The following MTMR2 variants were observed in gnomAD, a reference collection of about 807,000 sequenced individuals.
MTMR2 encodes the protein myotubularin related protein 2.
In MTMR2, 55 loss-of-function variants were observed where a neutral mutation model predicts 86.9. The observed-to-expected ratio is 0.63, with a 90% CI of 0.51 to 0.79. The LOEUF (loss-of-function observed/expected upper bound fraction) is 0.79. Among genes scored for constraint, MTMR2 ranks in the 30% least tolerant of loss-of-function variants. The pLI is 0.00. For missense variants in MTMR2, 659 were observed against 772.3 expected, an observed-to-expected ratio of 0.85 and a Z score of 1.74; for synonymous variants, 241 against 266.8, an observed-to-expected ratio of 0.90 and a Z score of 0.94.
At chr11:95,913,965 C>T (rs1197741422) in intron 1 of MTMR2, among the ~76,000 whole-genome samples, 2 of 152,052 alleles carry the variant, frequency 1.3e-5, no homozygotes, top group Non-Finnish European at 2.9e-5. Context: ...TCAAGTCAAA[C>T]TGCAAATTGC....
At position 95,888,263 on chromosome 11, in the gene MTMR2, T is replaced by TTC; in HGVS notation, c.81-3_81-2insGA. 4 of 1,606,884 alleles carry TTC rather than the reference T, an allele frequency of 2.5e-6. No individual in the cohort carries two copies. The highest frequency in any genetic ancestry group is 3.4e-6 in the Non-Finnish European group (4 of 1,173,918). ...TTCTCTGAATGAGAAGTGGAGGCAC[T>TTC]ACAAAATACAAAAGTACAGTATGTT... is the stretch of plus-strand genomic sequence containing the variant. On this transcript the variant is annotated splice_region_variant and splice_polypyrimidine_tract_variant and intron_variant, in intron 1 of 14. Transcript: ENST00000346299.
chr11:95,901,073 G>C (rs995809475), intron 1 of MTMR2, among the ~76,000 whole-genome samples: 1 of 152,056 alleles, frequency 6.6e-6, no homozygotes, highest in African/African-American at 2.4e-5. Context: ...TCTTCTAGTT[G>C]TCCCCTAAAT....
intron 2 of MTMR2, among the ~76,000 whole-genome samples, chr11:95,881,858 TAAAAGTAGCGATAGTAATCATCA>T (rs1865334539): frequency 1.3e-5 from 2 of 152,200 alleles, no homozygotes; most frequent in African/African-American, 4.8e-5. Flanking sequence ...TAATGCTGAA[TAAAAGTAGCGATAGTAATCATCA>T]TGTTTCTAAG....
intron 2 of MTMR2, among the ~76,000 whole-genome samples, chr11:95,873,991 T>A (rs940866447): frequency 7.2e-5 from 11 of 152,214 alleles, no homozygotes; most frequent in Non-Finnish European, 1.5e-4. Flanking sequence ...GTTTTACATT[T>A]GCTGAGGAGT....
Position 95,834,867 on chromosome 11 carries a change from C to G in MTMR2, c.*423G>C, listed in dbSNP as rs1156401714. The G allele has an allele frequency of 4.5e-6, 1 of 220,680 alleles. No homozygotes were observed. The highest frequency in any genetic ancestry group is 9.2e-6 in the Non-Finnish European group (1 of 108,432). The allele number at this position is 220,680 out of a possible 1,614,324, so 13.7% of individuals were successfully genotyped here. On this transcript the variant is annotated 3_prime_UTR_variant, in exon 15 of 15. Transcript: ENST00000346299. Reference sequence around the variant, plus strand: ...AAATGATTTTGATCTGTCATGACATCAAGGCCCAATATATGTGATGCCACA... The same window carrying G: ...AAATGATTTTGATCTGTCATGACATGAAGGCCCAATATATGTGATGCCACA...
chr11:95,868,273 T>TAAAAAA (rs555618890), intron 2 of MTMR2, among the ~76,000 whole-genome samples: 7 of 42,214 alleles, frequency 1.7e-4, no homozygotes, highest in Non-Finnish European at 2.8e-4. Context: ...GACCCTGTGC[T>TAAAAAA]AAAAAAAAAA....
intron 1 of MTMR2, among the ~76,000 whole-genome samples, chr11:95,923,527 G>A (rs1474907238): frequency 2.6e-5 from 4 of 151,698 alleles, no homozygotes; most frequent in Non-Finnish European, 5.9e-5. Context: ...AGAAAGACAG[G>A]AAATGTGGGG....
intron 1 of MTMR2, among the ~76,000 whole-genome samples, chr11:95,899,357 C>T (rs951296983): frequency 1.3e-5 from 2 of 152,010 alleles, no homozygotes; most frequent in East Asian, 1.9e-4. Flanking sequence ...GAAAACAGGT[C>T]GTTTGAGAAG....
In MTMR2 at chr11:95,834,061, AAAG is replaced by A. The variant is rs142663762; in HGVS notation, c.*1226_*1228del. 18,418 of 152,414 alleles carry A rather than the reference AAAG, an allele frequency of 0.12. 2,318 individuals carry two copies. Among genetic ancestry groups the A allele is most frequent in the African/African-American group, 0.32 (13,083 of 41,360 alleles). The allele number at this position is 152,414 out of a possible 1,614,324, so 9.4% of individuals were successfully genotyped here. A position where few individuals can be genotyped will look rare whatever the true frequency, so the allele number is the denominator to read the frequency against. ...ATTTCCAAATATTTCTGGGGAAAAAAAAGAAATGGCAACTTTGGACAAGAACAA... is the reference window on the plus strand; with the variant it reads ...ATTTCCAAATATTTCTGGGGAAAAAAAAATGGCAACTTTGGACAAGAACAA... On this transcript the variant is annotated 3_prime_UTR_variant, in exon 15 of 15. Transcript: ENST00000346299.
chr11:95,871,550 T>A (rs761967473), intron 2 of MTMR2, among the ~76,000 whole-genome samples: 2 of 152,220 alleles, frequency 1.3e-5, no homozygotes, highest in Non-Finnish European at 2.9e-5. Flanking sequence ...TTGAGAAGTA[T>A]CTGTTTATAT....
At chr11:95,847,245 G>A (rs1308053424) in intron 10 of MTMR2, among the ~76,000 whole-genome samples, 1 of 152,158 alleles carries the variant, frequency 6.6e-6, no homozygotes, top group Non-Finnish European at 1.5e-5. Context: ...CACACGGATA[G>A]TGCTGCCCTA....
chr11:95,884,972 C>G (rs1049647411), intron 2 of MTMR2, among the ~76,000 whole-genome samples: 3 of 152,084 alleles, frequency 2.0e-5, no homozygotes, highest in African/African-American at 7.2e-5. Flanking sequence ...AAACCATCTT[C>G]TCCTTGATCT....
intron 1 of MTMR2, among the ~76,000 whole-genome samples, chr11:95,903,297 C>G (rs1199095151): frequency 6.6e-6 from 1 of 152,178 alleles, no homozygotes; most frequent in Non-Finnish European, 1.5e-5. Flanking sequence ...CTACTACACT[C>G]CAGAGTACCT....
At chr11:95,899,686 T>C (rs924373657) in intron 1 of MTMR2, among the ~76,000 whole-genome samples, 3 of 150,098 alleles carry the variant, frequency 2.0e-5, no homozygotes, top group African/African-American at 7.4e-5. Context: ...TAAATATGAC[T>C]GGGAAAAGCT....
Position 95,835,083 on chromosome 11 carries a change from T to TCATAATCATGTAATTA in MTMR2, c.*191_*206dup. The TCATAATCATGTAATTA allele has an allele frequency of 3.5e-6, 2 of 577,600 alleles. No homozygotes were observed. The highest frequency in any genetic ancestry group is 4.2e-5 in the South Asian group (2 of 47,690). 35.8% of individuals were successfully genotyped at this position (577,600 alleles called of 1,614,324 possible). A position where few individuals can be genotyped will look rare whatever the true frequency, so the allele number is the denominator to read the frequency against. On this transcript the variant is annotated 3_prime_UTR_variant, in exon 15 of 15. Transcript: ENST00000346299. ...TCTTTGGATACTTAAAAGATTAGTA[T>TCATAATCATGTAATTA]CATAATCATGTAATTACATATGGAG...
At chr11:95,861,514 C>T (rs2135473398) in intron 5 of MTMR2, among the ~76,000 whole-genome samples, 1 of 151,762 alleles carries the variant, frequency 6.6e-6, no homozygotes, top group East Asian at 1.9e-4. Context: ...ACATCCGCCT[C>T]CCAGGTTCAA....
intron 2 of MTMR2, chr11:95,887,821 G>C: frequency 3.6e-6 from 1 of 276,096 alleles, no homozygotes; most frequent in Non-Finnish European, 7.0e-6. Context: ...ATAGCACTTA[G>C]AACAACGCTT....
At position 95,874,001 on chromosome 11, in the gene MTMR2, T is replaced by A. The variant is rs370773583; in HGVS notation, c.187-8325A>T. Among the ~76,000 whole-genome samples, 24 of 152,256 alleles carry A rather than the reference T, an allele frequency of 1.6e-4. No homozygotes were observed. The East Asian group carries it at 3.5e-3, about 22-fold the overall frequency. Reference sequence around the variant, plus strand: ...CTCTTGTTTTACATTTGCTGAGGAGTGCTTTACTTCCAACTATGTGGTCAG... The same window carrying A: ...CTCTTGTTTTACATTTGCTGAGGAGAGCTTTACTTCCAACTATGTGGTCAG... On this transcript the variant is annotated intron_variant, in intron 2 of 14. Coordinates refer to ENST00000346299, the MANE Select transcript of MTMR2 (RefSeq NM_016156.6).
intron 1 of MTMR2, among the ~76,000 whole-genome samples, chr11:95,889,081 A>G (rs1189778285): frequency 6.6e-6 from 1 of 151,990 alleles, no homozygotes; most frequent in African/African-American, 2.4e-5. Context: ...TACTTCTTCC[A>G]TTATAAGTAA....
Sources: gnomAD v4.1 joint callset for allele counts (sites outside exome capture counted in the v4.1 genomes callset) on GRCh38, gnomAD v4.1.1 for gene constraint, MANE v1.5 for transcripts, NCBI Gene and HGNC (gene_info 2026-07-23, HGNC 2026-07-21) for gene names.